Variants in EPM2A observed in about 807,000 individuals in gnomAD.
EPM2A encodes EPM2A glucan phosphatase, laforin, also known as laforin.
A neutral mutation model predicts 26.5 loss-of-function variants in EPM2A; 21 were observed. That is an observed-to-expected ratio of 0.79 (90% CI 0.56 to 1.14). EPM2A has a LOEUF of 1.14. Among genes scored for constraint, EPM2A ranks in the 50% most tolerant of loss-of-function variants. EPM2A has a pLI of 0.00. For synonymous variants in EPM2A, 217 were observed against 177.6 expected, an observed-to-expected ratio of 1.22 and a Z score of -1.76; for missense variants, 458 against 440.8, an observed-to-expected ratio of 1.04 and a Z score of -0.35.
At chr6:145,695,493 A>G (rs1781519913) in intron 1 of EPM2A, among the ~76,000 whole-genome samples, 1 of 151,292 alleles carries the variant, frequency 6.6e-6, no homozygotes, top group Non-Finnish European at 1.5e-5. Flanking sequence ...ATCAAAAGAT[A>G]TAAAGTGACT....
chr6:145,559,392 G>A (rs1369820233), intron 2 of EPM2A, among the ~76,000 whole-genome samples: 1 of 152,102 alleles, frequency 6.6e-6, no homozygotes, highest in Non-Finnish European at 1.5e-5. Flanking sequence ...TTGACTATGT[G>A]ATTTTGGCCA....
At chr6:145,633,578 CA>C (rs1448577157) in intron 3 of EPM2A, 2 of 152,390 alleles carry the variant, frequency 1.3e-5, no homozygotes, top group Admixed American at 1.3e-4. Context: ...CACAGATCAA[CA>C]AAGGGGCCCA....
At chr6:145,456,922 T>C (rs1779269066) in intron 4 of EPM2A, among the ~76,000 whole-genome samples, 1 of 152,152 alleles carries the variant, frequency 6.6e-6, no homozygotes, top group South Asian at 2.1e-4. Flanking sequence ...ACCTTACAGA[T>C]GTTATAAAGG....
intron 2 of EPM2A, among the ~76,000 whole-genome samples, chr6:145,535,380 T>C (rs1009186788): frequency 6.6e-6 from 1 of 152,228 alleles, no homozygotes; most frequent in African/African-American, 2.4e-5. Flanking sequence ...CACATTGCAA[T>C]CACCTGGGGA....
intron 4 of EPM2A, among the ~76,000 whole-genome samples, chr6:145,485,483 G>A (rs956284903): frequency 2.0e-5 from 3 of 152,038 alleles, no homozygotes; most frequent in African/African-American, 7.2e-5. Flanking sequence ...ATAGCATTCA[G>A]GCAGCACTTC....
chr6:145,477,114 C>A (rs1287337673), intron 4 of EPM2A, among the ~76,000 whole-genome samples: 1 of 151,744 alleles, frequency 6.6e-6, no homozygotes, highest in Non-Finnish European at 1.5e-5. Flanking sequence ...GGAGACATTA[C>A]AACTGATACT....
chr6:145,404,202 C>T (rs966954448), intron 4 of EPM2A, among the ~76,000 whole-genome samples: 19 of 152,012 alleles, frequency 1.2e-4, no homozygotes, highest in Admixed American at 1.1e-3. Context: ...AATATTTTCT[C>T]CCATTCTGTG....
chr6:145,696,971 A>G (rs1050015087), intron 1 of EPM2A, among the ~76,000 whole-genome samples: 1 of 152,150 alleles, frequency 6.6e-6, no homozygotes, highest in African/African-American at 2.4e-5. Flanking sequence ...TCAAAAAATG[A>G]GCCACACAGC....
At chr6:145,455,959 G>A (rs1445433802) in intron 4 of EPM2A, among the ~76,000 whole-genome samples, 1 of 152,254 alleles carries the variant, frequency 6.6e-6, no homozygotes, top group Non-Finnish European at 1.5e-5. Flanking sequence ...AGTGTAGAAT[G>A]AATTTAAAAT....
intron 2 of EPM2A, among the ~76,000 whole-genome samples, chr6:145,679,282 A>G (rs1780317646): frequency 6.6e-6 from 1 of 151,902 alleles, no homozygotes; most frequent in Non-Finnish European, 1.5e-5. Context: ...TGGGGGCGGG[A>G]TATCATTAGA....
At chr6:145,671,837 T>G (rs967157708) in intron 2 of EPM2A, among the ~76,000 whole-genome samples, 8 of 152,230 alleles carry the variant, frequency 5.3e-5, no homozygotes, top group Admixed American at 4.6e-4. Context: ...AGTATAAACA[T>G]GCTTTTACAA....
chr6:145,558,789 G>A (rs182093173), intron 2 of EPM2A, among the ~76,000 whole-genome samples: 53 of 149,610 alleles, frequency 3.5e-4, no homozygotes, highest in African/African-American at 1.3e-3. Flanking sequence ...TTGTAGATAC[G>A]GTAACTGCTT....
At chr6:145,422,230 TA>T (rs534168291) in intron 4 of EPM2A, among the ~76,000 whole-genome samples, 1,659 of 146,706 alleles carry the variant, frequency 0.011, 32 homozygotes, top group African/African-American at 0.039. Flanking sequence ...CAAATCTATA[TA>T]TTTGTATACA....
intron 4 of EPM2A, among the ~76,000 whole-genome samples, chr6:145,454,693 G>A (rs1177333725): frequency 6.6e-6 from 1 of 152,112 alleles, no homozygotes; most frequent in Non-Finnish European, 1.5e-5. Flanking sequence ...CCCTTGCAGT[G>A]GGCTTGAGAT....
intron 2 of EPM2A, chr6:145,670,356 A>G (rs930254342): frequency 3.3e-5 from 5 of 152,078 alleles, no homozygotes; most frequent in African/African-American, 1.2e-4. Flanking sequence ...CTTTCTTACC[A>G]CCATTCCTAT....
chr6:145,536,098 T>C (rs553511087), intron 2 of EPM2A, among the ~76,000 whole-genome samples: 7 of 152,352 alleles, frequency 4.6e-5, no homozygotes, highest in Admixed American at 4.6e-4. Flanking sequence ...TGGTTCTTTG[T>C]AGCCTATTGG....
chr6:145,690,543 A>G (rs1016265398), intron 1 of EPM2A, among the ~76,000 whole-genome samples: 17 of 143,636 alleles, frequency 1.2e-4, no homozygotes, highest in Non-Finnish European at 2.1e-4. Flanking sequence ...AAAAAAAAAA[A>G]GAGCTAACCT....
chr6:145,722,882 G>A, intron 1 of EPM2A: 1 of 336,212 alleles, frequency 3.0e-6, no homozygotes, highest in Non-Finnish European at 5.7e-6. Context: ...AAAGAGGCCT[G>A]GAACAGATAA....
intron 4 of EPM2A, among the ~76,000 whole-genome samples, chr6:145,466,424 A>G (rs955293580): frequency 1.4e-4 from 22 of 152,236 alleles, no homozygotes; most frequent in Admixed American, 2.6e-4. Context: ...AGAGAAATGC[A>G]AATCAAAACC....
Sources: allele counts gnomAD v4.1 joint callset (sites outside exome capture counted in the v4.1 genomes callset), GRCh38; gene constraint gnomAD v4.1.1; transcripts MANE v1.5; gene names NCBI Gene and HGNC (gene_info 2026-07-23, HGNC 2026-07-21).